The following HDAC8 variants were observed in gnomAD, a reference collection of about 807,000 sequenced individuals.
HDAC8 encodes the protein histone deacetylase 8.
Under a neutral mutation model 32.2 loss-of-function variants are expected in HDAC8, and 1 was observed. That is an observed-to-expected ratio of 0.03 (90% CI 0.01 to 0.15). The LOEUF (loss-of-function observed/expected upper bound fraction) is 0.15, where lower values mean the gene tolerates loss of function less well. HDAC8 is among the 10% of genes least tolerant of loss of function. HDAC8 has a pLI of 1.00. For synonymous variants in HDAC8, 108 were observed against 113.9 expected (o/e 0.95, Z 0.33); for missense variants, 117 against 300.0 (o/e 0.39, Z 4.51).
intron 9 of HDAC8, among the ~76,000 whole-genome samples, chrX:72,399,042 A>T (rs1422249305): frequency 5.4e-5 from 6 of 111,240 alleles, no homozygotes; most frequent in African/African-American, 2.0e-4. Flanking sequence ...TCATCATAAC[A>T]ATCTAACATA....
intron 9 of HDAC8, among the ~76,000 whole-genome samples, chrX:72,355,762 A>G (rs1555950583): frequency 8.9e-6 from 1 of 111,873 alleles, no homozygotes; most frequent in Non-Finnish European, 1.9e-5. Flanking sequence ...TATTCAGAAG[A>G]AGCCCTAAGG....
chrX:72,413,112 G>GTTT (rs10716535), intron 9 of HDAC8, among the ~76,000 whole-genome samples: 1 of 105,493 alleles, frequency 9.5e-6, no homozygotes, highest in Non-Finnish European at 2.0e-5. Flanking sequence ...TGTGTAACTG[G>GTTT]TTTTTTTTTT....
At chrX:72,499,777 C>G (rs947831823) in intron 4 of HDAC8, among the ~76,000 whole-genome samples, 1 of 110,612 alleles carries the variant, frequency 9.0e-6, no homozygotes, top group Non-Finnish European at 1.9e-5. Flanking sequence ...ATAAGACAAG[C>G]AAAATCAGAG....
rs6525601 is a variant in HDAC8 at position 72,511,629 on chromosome X, G to A, written c.438-16361C>T. Reference sequence around the variant, plus strand: ...GGAGGAAATGCCATTGTGTTCAGTGGACTGATCACAATCTCTGTCAAGTCA... The same window carrying A: ...GGAGGAAATGCCATTGTGTTCAGTGAACTGATCACAATCTCTGTCAAGTCA... On this transcript the variant is annotated intron_variant, in intron 4 of 10. Coordinates refer to ENST00000373573, the MANE Select transcript of HDAC8 (RefSeq NM_018486.3). 3.8e-3 allele frequency among the ~76,000 whole-genome samples: 420 copies of A among 111,899 alleles called. 5 individuals carry two copies. The highest frequency in any genetic ancestry group is 0.013 in the African/African-American group (391 of 30,764).
intron 5 of HDAC8, among the ~76,000 whole-genome samples, chrX:72,493,665 T>C (rs1230778350): frequency 8.9e-6 from 1 of 111,915 alleles, no homozygotes; most frequent in Non-Finnish European, 1.9e-5. Context: ...ATATTTTCTC[T>C]TTTATAACCC....
At chrX:72,553,743 G>A (rs1243421207) in intron 4 of HDAC8, among the ~76,000 whole-genome samples, 1 of 111,675 alleles carries the variant, frequency 9.0e-6, no homozygotes, top group Non-Finnish European at 1.9e-5. Flanking sequence ...GTATATGTGG[G>A]TTTTGCATTC....
Position 72,491,687 on chromosome X carries a change from T to C in HDAC8, c.551-681A>G, listed in dbSNP as rs887100468. The stretch of plus-strand genomic sequence containing the variant: ...GAAAGATGGGCGAGAAAGGGGTCTG[T>C]TTTCCATTTTAACTTAGTGAGTAAA... On this transcript the variant is annotated intron_variant, in intron 5 of 10. Transcript: ENST00000373573. Among the ~76,000 whole-genome samples the C allele has an allele frequency of 2.7e-5, 3 of 111,402 alleles. No individual in the cohort carries two copies. In the Admixed American group the frequency reaches 2.9e-4, roughly 11 times the overall value.
chrX:72,329,950 A>C lies in HDAC8; in HGVS notation c.*104T>G. ...AATTTTCAGGAAGTAATTTCTTTCA[A>C]ATTTTCCCTGCAGTCACAAATTCCA... On this transcript the variant is annotated 3_prime_UTR_variant, in exon 11 of 11. Transcript: ENST00000373573. 1.1e-6 allele frequency: 1 copy of C among 929,885 alleles called. No individual in the cohort carries two copies. The highest frequency in any genetic ancestry group is 1.5e-6 in the Non-Finnish European group (1 of 652,646). 76.6% of individuals were successfully genotyped at this position (929,885 alleles called of 1,213,427 possible). A position where few individuals can be genotyped will look rare whatever the true frequency, so the allele number is the denominator to read the frequency against.
intron 8 of HDAC8, 66 bp from the exon 9 acceptor site, chrX:72,462,164 G>A: frequency 6.1e-6 from 5 of 825,192 alleles, no homozygotes; most frequent in Non-Finnish European, 8.9e-6. Flanking sequence ...AGGGAAGGGG[G>A]GTAAGGAAAG....
At chrX:72,337,642 T>C (rs192743513) in intron 10 of HDAC8, among the ~76,000 whole-genome samples, 2 of 111,679 alleles carry the variant, frequency 1.8e-5, no homozygotes, top group East Asian at 5.6e-4. Context: ...AAGACTGGTC[T>C]CCTTGCTTCC....
chrX:72,378,263 T>C (rs782162322), intron 9 of HDAC8, among the ~76,000 whole-genome samples: 4 of 111,782 alleles, frequency 3.6e-5, no homozygotes, highest in African/African-American at 1.3e-4. Flanking sequence ...TCCTCATGAA[T>C]GGCTTGATGC....
intron 9 of HDAC8, among the ~76,000 whole-genome samples, chrX:72,383,932 A>C (rs2045347999): frequency 9.1e-6 from 1 of 109,429 alleles, no homozygotes; most frequent in African/African-American, 3.3e-5. Flanking sequence ...AGATAAAGAC[A>C]TATATCTGCT....
chrX:72,445,733 CA>C (rs1276920524), intron 9 of HDAC8, among the ~76,000 whole-genome samples: 1 of 111,882 alleles, frequency 8.9e-6, no homozygotes, highest in African/African-American at 3.3e-5. Flanking sequence ...AAACTACCAT[CA>C]GAGTGAACAG....
At chrX:72,572,344 C>A in intron 1 of HDAC8, 1 of 416,893 alleles carries the variant, frequency 2.4e-6, no homozygotes, top group South Asian at 4.5e-5. Context: ...GAACACCTTC[C>A]CCCTGCAGCT....
At chrX:72,486,354 T>A (rs1017059313) in intron 7 of HDAC8, among the ~76,000 whole-genome samples, 14 of 111,367 alleles carry the variant, frequency 1.3e-4, no homozygotes, top group Non-Finnish European at 2.1e-4. Flanking sequence ...TGCAAAACTC[T>A]TGGCAAAGAT....
At chrX:72,386,444 GA>G (rs1303569638) in intron 9 of HDAC8, among the ~76,000 whole-genome samples, 17 of 110,815 alleles carry the variant, frequency 1.5e-4, no homozygotes, top group African/African-American at 4.6e-4. Context: ...ACTTATGTAT[GA>G]TTTTTTTTTT....
intron 9 of HDAC8, among the ~76,000 whole-genome samples, chrX:72,447,760 G>C (rs1555985692): frequency 8.9e-6 from 1 of 112,094 alleles, no homozygotes; most frequent in East Asian, 2.8e-4. Context: ...CAAAATCAAT[G>C]TGCAAAATTC....
intron 8 of HDAC8, 21 bp downstream of exon 8, chrX:72,464,538 G>A: frequency 8.5e-7 from 1 of 1,177,698 alleles, no homozygotes; most frequent in Non-Finnish European, 1.2e-6. Flanking sequence ...ACAAATTCTG[G>A]TAACCTTCCT....
intron 9 of HDAC8, among the ~76,000 whole-genome samples, chrX:72,354,041 G>A (rs1298952950): frequency 8.9e-6 from 1 of 112,137 alleles, no homozygotes; most frequent in East Asian, 2.8e-4. Flanking sequence ...TTGACCAAGA[G>A]CATATGGTTG....
Sources: allele counts gnomAD v4.1 joint callset (sites outside exome capture counted in the v4.1 genomes callset), GRCh38; gene constraint gnomAD v4.1.1; transcripts MANE v1.5; gene names NCBI Gene and HGNC (gene_info 2026-07-23, HGNC 2026-07-21).